Variants in CBFB observed in about 807,000 individuals in gnomAD.
The protein encoded by CBFB is CBF-beta.
Under a neutral mutation model 30.4 loss-of-function variants are expected in CBFB, and 9 were observed. That is an observed-to-expected ratio of 0.30 (90% CI 0.18 to 0.52). The LOEUF (loss-of-function observed/expected upper bound fraction) is 0.52. Ranked by LOEUF, CBFB falls within the 20% of genes least tolerant of loss-of-function variation. The pLI is 0.97. For missense variants in CBFB, 170 were observed against 244.0 expected, an observed-to-expected ratio of 0.70 and a Z score of 2.02; for synonymous variants, 94 against 84.0, an observed-to-expected ratio of 1.12 and a Z score of -0.65.
chr16:67,086,194 C>T (rs1961728307), intron 5 of CBFB, among the ~76,000 whole-genome samples: 1 of 152,172 alleles, frequency 6.6e-6, no homozygotes, highest in South Asian at 2.1e-4. Flanking sequence ...CCCTTTCTTT[C>T]GGTATCTGTA....
At chr16:67,072,735 G>T (rs1431734623) in intron 4 of CBFB, among the ~76,000 whole-genome samples, 1 of 151,716 alleles carries the variant, frequency 6.6e-6, no homozygotes, top group East Asian at 1.9e-4. Context: ...CAAAGTGCTG[G>T]GATTACAGGC....
intron 4 of CBFB, among the ~76,000 whole-genome samples, chr16:67,075,168 C>T (rs1961350924): frequency 6.7e-6 from 1 of 149,178 alleles, no homozygotes; most frequent in African/African-American, 2.5e-5. Context: ...CCAGCCTGGG[C>T]AACAGAGCGA....
At chr16:67,047,834 C>T (rs1966655300) in intron 3 of CBFB, among the ~76,000 whole-genome samples, 2 of 152,064 alleles carry the variant, frequency 1.3e-5, no homozygotes, top group African/African-American at 4.8e-5. Context: ...TCTGGAAGGC[C>T]AGGGCGGGTG....
intron 5 of CBFB, chr16:67,093,634 G>A (rs189625777): frequency 5.0e-4 from 76 of 152,228 alleles, no homozygotes; most frequent in African/African-American, 1.8e-3. Context: ...TAAGAGGTCT[G>A]TAGCACAAGG....
intron 5 of CBFB, among the ~76,000 whole-genome samples, chr16:67,085,521 G>A (rs997422245): frequency 6.3e-5 from 9 of 142,466 alleles, no homozygotes; most frequent in Non-Finnish European, 1.4e-4. Context: ...GGGAGATGGG[G>A]TCTCACTCTG....
chr16:67,066,393 C>CAAAACAAAAAAAAAA (rs1961054709), intron 3 of CBFB, among the ~76,000 whole-genome samples: 1 of 96,082 alleles, frequency 1.0e-5, no homozygotes. Context: ...ACTAAAAATA[C>CAAAACAAAAAAAAAA]AAAAAAAAAA....
Position 67,061,360 on chromosome 16 carries a change from A to G in CBFB, c.283-5322A>G, listed in dbSNP as rs140753399. Among the ~76,000 whole-genome samples, 3 of 152,356 alleles carry G rather than the reference A, an allele frequency of 2.0e-5. No individual in the cohort carries two copies. In the East Asian group the frequency reaches 5.8e-4, roughly 29 times the overall value. ...AAATCAATTTTGTATAAAATATTTC[A>G]TTGTTCTAGGACAATGGGTTTAATC... On this transcript the variant is annotated intron_variant, in intron 3 of 5. Transcript: ENST00000412916.
chr16:67,029,580 G>A, intron 1 of CBFB, 95 bp downstream of exon 1: 1 of 1,370,376 alleles, frequency 7.3e-7, no homozygotes, highest in Non-Finnish European at 9.9e-7. Flanking sequence ...CGGGAGTCCC[G>A]GTCGGTGCGC....
At chr16:67,059,987 T>G (rs1368277088) in intron 3 of CBFB, among the ~76,000 whole-genome samples, 2 of 151,748 alleles carry the variant, frequency 1.3e-5, no homozygotes, top group Non-Finnish European at 2.9e-5. Context: ...TTTTTTTTTT[T>G]TTGTTGAGAC....
Position 67,100,040 on chromosome 16 carries a change from T to A in CBFB, c.*1262T>A, listed in dbSNP as rs1459999739. 9.5e-6 allele frequency: 2 copies of A among 210,940 alleles called. No individual in the cohort carries two copies. Among genetic ancestry groups the A allele is most frequent in the Middle Eastern group, 1.4e-3 (1 of 692 alleles). The allele number at this position is 210,940 out of a possible 1,614,324, so 13.1% of individuals were successfully genotyped here. ...GATGAATTAATGTAAGAATATTTTT[T>A]AAATAGGCTTACTGTCAAATTGCAA... On this transcript the variant is annotated 3_prime_UTR_variant, in exon 6 of 6. Transcript: ENST00000412916.
chr16:67,038,286 A>ATATATATATACACGTATATGTGTG (rs775215526), intron 3 of CBFB, among the ~76,000 whole-genome samples: 4 of 142,354 alleles, frequency 2.8e-5, no homozygotes, highest in African/African-American at 1.2e-4. Flanking sequence ...TCTTGTGTGT[A>ATATATATATACACGTATATGTGTG]TATATATATA....
chr16:67,085,716 C>T (rs1005947895), intron 5 of CBFB, among the ~76,000 whole-genome samples: 18 of 135,580 alleles, frequency 1.3e-4, no homozygotes, highest in East Asian at 6.4e-4. Flanking sequence ...CTCGCTCTGT[C>T]GCCCAGGCTG....
intron 4 of CBFB, among the ~76,000 whole-genome samples, chr16:67,072,895 T>C (rs1271008220): frequency 6.6e-6 from 1 of 152,060 alleles, no homozygotes; most frequent in East Asian, 1.9e-4. Context: ...TTATCTTTTG[T>C]AGAGATGAGG....
chr16:67,036,981 C>T (rs988415992), intron 3 of CBFB, among the ~76,000 whole-genome samples: 1 of 151,932 alleles, frequency 6.6e-6, no homozygotes, highest in Non-Finnish European at 1.5e-5. Context: ...TCACTGCAAT[C>T]TCCGCCTTCC....
At chr16:67,049,308 A>G (rs1260687986) in intron 3 of CBFB, among the ~76,000 whole-genome samples, 2 of 151,876 alleles carry the variant, frequency 1.3e-5, no homozygotes, top group African/African-American at 2.4e-5. Context: ...GATTCAAGCT[A>G]TTCTCCTGCC....
At chr16:67,059,129 T>C (rs1312072582) in intron 3 of CBFB, among the ~76,000 whole-genome samples, 1 of 152,184 alleles carries the variant, frequency 6.6e-6, no homozygotes, top group Non-Finnish European at 1.5e-5. Context: ...TTATATAGTA[T>C]TGTAAAGGAA....
At chr16:67,036,443 C>T (rs915559611) in intron 2 of CBFB, 196 bp from the exon 3 acceptor site, 1 of 512,118 alleles carries the variant, frequency 2.0e-6, no homozygotes, top group African/African-American at 1.9e-5. Context: ...CAGCCAATGG[C>T]AAATGTCCTC....
At chr16:67,047,033 C>T (rs532654169) in intron 3 of CBFB, among the ~76,000 whole-genome samples, 76 of 151,834 alleles carry the variant, frequency 5.0e-4, no homozygotes, top group African/African-American at 1.8e-3. Flanking sequence ...TTTGAAGGGC[C>T]GGGCGCAGTA....
intron 3 of CBFB, among the ~76,000 whole-genome samples, chr16:67,051,516 C>T (rs1378355972): frequency 6.6e-6 from 1 of 151,146 alleles, no homozygotes; most frequent in South Asian, 2.1e-4. Flanking sequence ...ATATATGGAT[C>T]CAGTTTTATA....
Sources: gnomAD v4.1 joint callset for allele counts (sites outside exome capture counted in the v4.1 genomes callset) on GRCh38, gnomAD v4.1.1 for gene constraint, MANE v1.5 for transcripts, NCBI Gene and HGNC (gene_info 2026-07-23, HGNC 2026-07-21) for gene names.